Variants in UBE2E2 observed in about 807,000 individuals in gnomAD.
UBE2E2 encodes the protein ubiquitin conjugating enzyme E2 E2.
UBE2E2 carries 6 observed loss-of-function variants against 24.7 expected under a neutral mutation model. The ratio of observed to expected loss-of-function variants is 0.24; its 90% confidence interval spans 0.13 to 0.48. The LOEUF is 0.48. Among genes scored for constraint, UBE2E2 ranks in the 20% least tolerant of loss-of-function variants. UBE2E2 has a pLI of 0.99. For synonymous variants in UBE2E2, 104 were observed against 83.6 expected, an observed-to-expected ratio of 1.24 and a Z score of -1.33; for missense variants, 169 against 245.0, an observed-to-expected ratio of 0.69 and a Z score of 2.07.
intron 3 of UBE2E2, among the ~76,000 whole-genome samples, chr3:23,243,461 C>T (rs1201093307): frequency 6.6e-6 from 1 of 152,160 alleles, no homozygotes; most frequent in Non-Finnish European, 1.5e-5. Context: ...ATTTTATGGC[C>T]CGCTTCCCTT....
intron 3 of UBE2E2, among the ~76,000 whole-genome samples, chr3:23,354,827 C>T (rs1160817205): frequency 1.3e-5 from 2 of 152,202 alleles, no homozygotes; most frequent in Non-Finnish European, 2.9e-5. Context: ...GTGGCAATTC[C>T]TCAGGGATCT....
intron 4 of UBE2E2, among the ~76,000 whole-genome samples, chr3:23,528,699 T>G (rs774144045): frequency 6.6e-6 from 1 of 152,200 alleles, no homozygotes; most frequent in Non-Finnish European, 1.5e-5. Context: ...AGGAATTTTC[T>G]CCTTTGCCCT....
chr3:23,288,492 G>A (rs1022611845), intron 3 of UBE2E2, among the ~76,000 whole-genome samples: 6 of 152,148 alleles, frequency 3.9e-5, no homozygotes, highest in Non-Finnish European at 7.3e-5. Flanking sequence ...TAGATGATCT[G>A]TCCAGTGCTG....
intron 3 of UBE2E2, among the ~76,000 whole-genome samples, chr3:23,288,404 A>G (rs1698676132): frequency 6.6e-6 from 1 of 152,156 alleles, no homozygotes; most frequent in African/African-American, 2.4e-5. Flanking sequence ...GTGGGACAAA[A>G]TGTTCTGTAA....
At chr3:23,307,387 C>A (rs1417947386) in intron 3 of UBE2E2, among the ~76,000 whole-genome samples, 1 of 152,114 alleles carries the variant, frequency 6.6e-6, no homozygotes, top group Non-Finnish European at 1.5e-5. Context: ...GGCATTATTG[C>A]TTATTTATAT....
chr3:23,390,267 C>T (rs1366604985), intron 3 of UBE2E2, among the ~76,000 whole-genome samples: 3 of 152,140 alleles, frequency 2.0e-5, no homozygotes, highest in Non-Finnish European at 4.4e-5. Context: ...TGCCCTGCCT[C>T]CCTCCCCACT....
At chr3:23,299,898 A>G (rs984064230) in intron 3 of UBE2E2, among the ~76,000 whole-genome samples, 98 of 152,246 alleles carry the variant, frequency 6.4e-4, no homozygotes, top group Non-Finnish European at 1.2e-3. Flanking sequence ...AAAGTCTCCC[A>G]TTATTAGTGT....
Position 23,215,199 on chromosome 3 carries a change from A to G in UBE2E2, c.177-2063A>G, listed in dbSNP as rs557704610. Among the ~76,000 whole-genome samples, 3 of 152,270 alleles carry G rather than the reference A, an allele frequency of 2.0e-5. No homozygotes were observed. The South Asian group carries it at 6.2e-4, about 32-fold the overall frequency. On this transcript the variant is annotated intron_variant, in intron 2 of 5. Transcript: ENST00000396703. ...CTCCATCCACTTTTAGCTGGTTTAT[A>G]TTAGCTACACTTAATTTTACATCTT...
chr3:23,244,817 G>C (rs1697350199), intron 3 of UBE2E2, among the ~76,000 whole-genome samples: 1 of 152,092 alleles, frequency 6.6e-6, no homozygotes, highest in African/African-American at 2.4e-5. Context: ...GAAATACTTT[G>C]AGCTCTTTTA....
chr3:23,436,748 T>G (rs1305928957), intron 3 of UBE2E2, among the ~76,000 whole-genome samples: 1 of 152,130 alleles, frequency 6.6e-6, no homozygotes, highest in Non-Finnish European at 1.5e-5. Context: ...AAGTTCCCCC[T>G]CTGCAGCCAT....
intron 3 of UBE2E2, among the ~76,000 whole-genome samples, chr3:23,284,018 AT>A (rs1275407593): frequency 5.3e-5 from 8 of 152,182 alleles, no homozygotes; most frequent in African/African-American, 1.9e-4. Flanking sequence ...ACATAGAGCA[AT>A]TTGGCCATGT....
In UBE2E2 at chr3:23,590,278, T is replaced by C. The variant is rs767265774; in HGVS notation, c.*447T>C. The C allele has an allele frequency of 6.3e-6, 1 of 158,406 alleles. No homozygotes were observed. The highest frequency in any genetic ancestry group is 1.4e-5 in the Non-Finnish European group (1 of 71,658). The allele number at this position is 158,406 out of a possible 1,614,324, so 9.8% of individuals were successfully genotyped here. On this transcript the variant is annotated 3_prime_UTR_variant, in exon 6 of 6. Coordinates refer to ENST00000396703, the MANE Select transcript of UBE2E2 (RefSeq NM_152653.4). ...ATTCAGAATTATATCTCGTTTCTAC[T>C]TAAATGTAGTGCTTAGGGTTAATTT...
At chr3:23,302,844 A>G (rs961009075) in intron 3 of UBE2E2, among the ~76,000 whole-genome samples, 6 of 152,210 alleles carry the variant, frequency 3.9e-5, no homozygotes, top group South Asian at 2.1e-4. Flanking sequence ...TTTGTGGGCT[A>G]TAGACTGCTG....
At chr3:23,384,232 G>A (rs1358775703) in intron 3 of UBE2E2, among the ~76,000 whole-genome samples, 2 of 152,108 alleles carry the variant, frequency 1.3e-5, no homozygotes, top group East Asian at 3.9e-4. Context: ...TCACGAGCAT[G>A]GCTCACTACA....
intron 3 of UBE2E2, among the ~76,000 whole-genome samples, chr3:23,445,953 C>A (rs1575635189): frequency 6.6e-6 from 1 of 152,246 alleles, no homozygotes; most frequent in East Asian, 1.9e-4. Context: ...AGAGACTCCA[C>A]AGCATTTTTA....
intron 4 of UBE2E2, among the ~76,000 whole-genome samples, chr3:23,502,895 A>G (rs1262108849): frequency 6.6e-6 from 1 of 152,146 alleles, no homozygotes; most frequent in East Asian, 1.9e-4. Context: ...CTTTTCTTGT[A>G]TGACATTGTC....
chr3:23,521,097 A>C (rs937504346), intron 4 of UBE2E2, among the ~76,000 whole-genome samples: 2 of 152,052 alleles, frequency 1.3e-5, no homozygotes, highest in South Asian at 4.2e-4. Context: ...TAAATAACTG[A>C]CCCTTCATAT....
chr3:23,428,152 T>C (rs970283095), intron 3 of UBE2E2, among the ~76,000 whole-genome samples: 1 of 152,184 alleles, frequency 6.6e-6, no homozygotes, highest in African/African-American at 2.4e-5. Context: ...TTCACCAAGG[T>C]AAACTGCATT....
Position 23,272,855 on chromosome 3 carries a change from C to T in UBE2E2, c.227+55543C>T, listed in dbSNP as rs554512693. Among the ~76,000 whole-genome samples, 3 of 152,260 alleles carry T rather than the reference C, an allele frequency of 2.0e-5. No homozygotes were observed. The East Asian group carries it at 5.8e-4, about 29-fold the overall frequency. ...GTATAAGTTCTAGTCTGAAAGCTGG[C>T]AGGCCCAAGACCAAGAAGAGCCCAA... On this transcript the variant is annotated intron_variant, in intron 3 of 5. Transcript: ENST00000396703.
Sources: allele counts gnomAD v4.1 joint callset (sites outside exome capture counted in the v4.1 genomes callset), GRCh38; gene constraint gnomAD v4.1.1; transcripts MANE v1.5; gene names NCBI Gene and HGNC (gene_info 2026-07-23, HGNC 2026-07-21).